The following MROH7 variants were observed in gnomAD, a reference collection of about 807,000 sequenced individuals.
MROH7 encodes maestro heat like repeat family member 7.
Under a neutral mutation model 129.2 loss-of-function variants are expected in MROH7, and 113 were observed. That is an observed-to-expected ratio of 0.87 (90% CI 0.75 to 1.02). The LOEUF (loss-of-function observed/expected upper bound fraction) is 1.02, where lower values mean the gene tolerates loss of function less well. Among genes scored for constraint, MROH7 ranks in the 50% least tolerant of loss-of-function variants. The pLI, the probability that MROH7 is intolerant of heterozygous loss-of-function variation, is 0.00. For synonymous variants in MROH7, 655 were observed against 667.9 expected, an observed-to-expected ratio of 0.98 and a Z score of 0.30; for missense variants, 1,601 against 1,671.3, an observed-to-expected ratio of 0.96 and a Z score of 0.73.
chr1:54,652,935 G>C lies in MROH7; in HGVS notation c.9G>C (p.Leu3=). The C allele has an allele frequency of 6.3e-7, 1 of 1,585,178 alleles. No homozygotes were observed. Among genetic ancestry groups the C allele is most frequent in the Non-Finnish European group, 8.6e-7 (1 of 1,167,286 alleles). Residue 3 remains leucine, a synonymous_variant, in exon 3 of 24, where the codon CTG becomes CTC. Transcript: ENST00000421030. MA[L]SPGANLVFHE... is the part of the protein sequence containing the mutation. Reference sequence around the variant, plus strand: ...AGACCTCCAGACTGGACATGGCCCTGAGTCCAGGGGCTAACCTGGTCTTCC... The same window carrying C: ...AGACCTCCAGACTGGACATGGCCCTCAGTCCAGGGGCTAACCTGGTCTTCC...
chr1:54,671,961 G>T (rs1324236616), intron 7 of MROH7, among the ~76,000 whole-genome samples: 1 of 152,100 alleles, frequency 6.6e-6, no homozygotes, highest in Admixed American at 6.5e-5. Flanking sequence ...GGGGTCAGGG[G>T]TTGTGATTGT....
intron 18 of MROH7, 151 bp from the exon 19 acceptor site, chr1:54,700,992 T>G: frequency 1.3e-6 from 1 of 796,638 alleles, no homozygotes. Flanking sequence ...AGAGGTTGGG[T>G]GAGGGTATTC....
chr1:54,671,365 A>C (rs1196922472), intron 7 of MROH7, among the ~76,000 whole-genome samples: 2 of 152,206 alleles, frequency 1.3e-5, no homozygotes, highest in East Asian at 1.9e-4. Flanking sequence ...GCGCCACTGC[A>C]CTCCAGCCTG....
At position 54,666,175 on chromosome 1, in the gene MROH7, T is replaced by C. The variant is rs143758954; in HGVS notation, c.1305+935T>C. Among the ~76,000 whole-genome samples the C allele has an allele frequency of 9.1e-4, 139 of 152,364 alleles. 1 individual carries two copies. Among genetic ancestry groups the C allele is most frequent in the African/African-American group, 2.9e-3 (119 of 41,578 alleles). ...GCGCCTGCAAAAAGAAGACTTCTTA[T>C]TGATGTCATAGGGGCCAAGGGAAAA... On this transcript the variant is annotated intron_variant, in intron 4 of 23. Transcript: ENST00000421030.
intron 17 of MROH7, 107 bp from the exon 18 acceptor site, chr1:54,700,214 C>G: frequency 6.9e-7 from 1 of 1,457,812 alleles, no homozygotes; most frequent in South Asian, 1.2e-5. Context: ...TCTGAAGCTC[C>G]GGGCAGAGCT....
At chr1:54,663,217 TA>T (rs1381875477) in intron 3 of MROH7, among the ~76,000 whole-genome samples, 3 of 152,118 alleles carry the variant, frequency 2.0e-5, no homozygotes, top group Admixed American at 6.6e-5. Flanking sequence ...ATTTGTATAG[TA>T]TGGACTCAAG....
intron 3 of MROH7, among the ~76,000 whole-genome samples, chr1:54,658,567 C>T (rs1027516461): frequency 1.3e-5 from 2 of 152,016 alleles, no homozygotes; most frequent in South Asian, 2.1e-4. Flanking sequence ...TAAGATGGAT[C>T]AGTAAAATAT....
At chr1:54,702,490 GTAATTAAAAAAA>G (rs1358283101) in intron 20 of MROH7, 121 bp from the exon 21 acceptor site, 7 of 895,724 alleles carry the variant, frequency 7.8e-6, no homozygotes, top group Non-Finnish European at 9.4e-6. Context: ...TAAAATAATA[GTAATTAAAAAAA>G]TTAAAAATGG....
In MROH7 at chr1:54,670,587, C is replaced by T. The variant is rs548918127; in HGVS notation, c.1469+11C>T. 3 of 1,607,874 alleles carry T rather than the reference C, an allele frequency of 1.9e-6. No homozygotes were observed. Among genetic ancestry groups the T allele is most frequent in the Non-Finnish European group, 2.5e-6 (3 of 1,176,710 alleles). The stretch of plus-strand genomic sequence containing the variant: ...CCTGACCCAGCTGAGGTGTCCATGG[C>T]CCTCTCCCTGTTCCCACAGCCCCTC... On this transcript the variant is annotated intron_variant, in intron 6 of 23. Coordinates refer to ENST00000421030, the MANE Select transcript of MROH7 (RefSeq NM_001039464.4).
At chr1:54,690,912 AC>A (rs1557720188) in intron 15 of MROH7, among the ~76,000 whole-genome samples, 1 of 151,948 alleles carries the variant, frequency 6.6e-6, no homozygotes, top group Non-Finnish European at 1.5e-5. Context: ...CAAAATGATG[AC>A]CCTGGAGATA....
intron 21 of MROH7, among the ~76,000 whole-genome samples, chr1:54,705,081 A>G (rs1299669497): frequency 6.6e-6 from 1 of 152,152 alleles, no homozygotes; most frequent in East Asian, 1.9e-4. Context: ...TACAGGTGTG[A>G]GCCACTGCAC....
chr1:54,668,931 G>T lies in MROH7; in HGVS notation c.1383G>T (p.Lys461Asn), dbSNP rs759519399. The T allele has an allele frequency of 4.1e-5, 65 of 1,575,956 alleles. No homozygotes were observed. Among genetic ancestry groups the T allele is most frequent in the Middle Eastern group, 3.3e-4 (2 of 5,984 alleles). Residue 461 changes from lysine to asparagine, a missense_variant, in exon 5 of 24, where the codon AAG becomes AAT. Coordinates refer to ENST00000421030, the MANE Select transcript of MROH7 (RefSeq NM_001039464.4). ...AEGEKKTMIK[K>N]IMRQIQEEPL... is the part of the protein sequence containing the mutation. ...GAGAAAAGAAGACCATGATAAAGAAGATTATGGTGGGGGAGCCACAGGCGG... is the reference window on the plus strand; with the variant it reads ...GAGAAAAGAAGACCATGATAAAGAATATTATGGTGGGGGAGCCACAGGCGG...
At chr1:54,657,701 A>G (rs541506608) in intron 3 of MROH7, among the ~76,000 whole-genome samples, 19 of 147,974 alleles carry the variant, frequency 1.3e-4, no homozygotes, top group Non-Finnish European at 2.2e-4. Context: ...TTTTTTTTTG[A>G]GATGGAGTCT....
At position 54,662,485 on chromosome 1, in the gene MROH7, G is replaced by A. The variant is rs1030477763; in HGVS notation, c.1232-2682G>A. Among the ~76,000 whole-genome samples, 8 of 150,058 alleles carry A rather than the reference G, an allele frequency of 5.3e-5. No homozygotes were observed. The East Asian group carries it at 1.2e-3, about 23-fold the overall frequency. On this transcript the variant is annotated intron_variant, in intron 3 of 23. Transcript: ENST00000421030. ...TGGGAGGTGGAGGTTGAAGTGAGCC[G>A]AGATTGGCGCCACTGCACTCCAGCC...
chr1:54,706,643 C>A lies in MROH7; in HGVS notation c.3667+106C>A, dbSNP rs1645539176. 9.9e-6 allele frequency: 8 copies of A among 805,226 alleles called. No individual in the cohort carries two copies. The Admixed American group carries it at 1.3e-4, about 13-fold the overall frequency. 49.9% of individuals were successfully genotyped at this position (805,226 alleles called of 1,614,324 possible). ...TTTCAGCACCTGGGGGGATGCTTCCCTTTGGGTGCAAGGCTTGGCCACCAG... is the reference window on the plus strand; with the variant it reads ...TTTCAGCACCTGGGGGGATGCTTCCATTTGGGTGCAAGGCTTGGCCACCAG... On this transcript the variant is annotated intron_variant, in intron 22 of 23. Transcript: ENST00000421030.
intron 21 of MROH7, among the ~76,000 whole-genome samples, chr1:54,704,607 T>A (rs1645497916): frequency 1.3e-5 from 2 of 151,216 alleles, no homozygotes; most frequent in African/African-American, 4.9e-5. Flanking sequence ...CCCAGCTATT[T>A]TTTTTTTGTA....
intron 10 of MROH7, among the ~76,000 whole-genome samples, chr1:54,675,280 T>C (rs906237242): frequency 6.6e-6 from 1 of 152,204 alleles, no homozygotes; most frequent in African/African-American, 2.4e-5. Context: ...CTAGCCTAAA[T>C]TCATGCTTTT....
chr1:54,661,686 C>T (rs1644734621), intron 3 of MROH7, among the ~76,000 whole-genome samples: 1 of 151,982 alleles, frequency 6.6e-6, no homozygotes, highest in South Asian at 2.1e-4. Flanking sequence ...ACCTCTGCCT[C>T]CTGGGTTCAA....
chr1:54,673,071 G>A lies in MROH7; in HGVS notation c.1600-20G>A, dbSNP rs748742258. On this transcript the variant is annotated intron_variant, in intron 7 of 23. Transcript: ENST00000421030. ...CGCTCCAGAGGTGCCTTAGTGGCTT[G>A]GTCCTCCTCCCATCCACAGGCTCTT... 1 of 1,591,562 alleles carries A rather than the reference G, an allele frequency of 6.3e-7. No homozygotes were observed. The highest frequency in any genetic ancestry group is 1.7e-5 in the Admixed American group (1 of 58,652).
Sources: allele counts gnomAD v4.1 joint callset (sites outside exome capture counted in the v4.1 genomes callset), GRCh38; gene constraint gnomAD v4.1.1; transcripts MANE v1.5; gene names NCBI Gene and HGNC (gene_info 2026-07-23, HGNC 2026-07-21).